DDX10: variants seen among roughly 807,000 people sequenced by gnomAD.
DDX10 encodes DEAD-box helicase 10.
Under a neutral mutation model 104.3 loss-of-function variants are expected in DDX10, and 74 were observed. The ratio of observed to expected loss-of-function variants is 0.71; its 90% CI spans 0.59 to 0.86. DDX10 has a LOEUF of 0.86. Ranked by LOEUF, DDX10 falls within the 40% of genes least tolerant of loss-of-function variation. DDX10 has a pLI of 0.00. For missense variants in DDX10, 952 were observed against 1,040.0 expected (o/e 0.92, Z 1.16); for synonymous variants, 351 against 353.4 (o/e 0.99, Z 0.08).
chr11:108,740,812 A>C (rs1398806557), intron 13 of DDX10, among the ~76,000 whole-genome samples: 1 of 152,072 alleles, frequency 6.6e-6, no homozygotes, highest in East Asian at 1.9e-4. Flanking sequence ...TCCTTTGCCC[A>C]CTTTGTAACG....
intron 6 of DDX10, among the ~76,000 whole-genome samples, chr11:108,680,811 T>C (rs1287002688): frequency 2.6e-5 from 4 of 152,222 alleles, no homozygotes; most frequent in African/African-American, 4.8e-5. Flanking sequence ...CCTTGTATAA[T>C]GTATGTCTAG....
At chr11:108,822,573 C>T (rs1862339859) in intron 13 of DDX10, 2 of 198,464 alleles carry the variant, frequency 1.0e-5, no homozygotes, top group African/African-American at 2.4e-5. Flanking sequence ...CAGTCTTGTG[C>T]TGGCCTCCCT....
intron 10 of DDX10, among the ~76,000 whole-genome samples, chr11:108,707,113 A>T (rs991062966): frequency 6.6e-6 from 1 of 151,986 alleles, no homozygotes; most frequent in African/African-American, 2.4e-5. Flanking sequence ...ACCTATGTTG[A>T]TGTTATTCAC....
chr11:108,913,719 TAGAG>T (rs148729772), intron 16 of DDX10, among the ~76,000 whole-genome samples: 2 of 152,242 alleles, frequency 1.3e-5, no homozygotes, highest in African/African-American at 4.8e-5. Flanking sequence ...AAATCAAAGA[TAGAG>T]ACAGAGCAGC....
chr11:108,930,962 T>G (rs1200305859), intron 17 of DDX10, among the ~76,000 whole-genome samples: 1 of 152,178 alleles, frequency 6.6e-6, no homozygotes, highest in Non-Finnish European at 1.5e-5. Context: ...CAAAGACTAT[T>G]GTTGCTTGCT....
intron 2 of DDX10, among the ~76,000 whole-genome samples, chr11:108,674,996 T>G (rs2094222175): frequency 1.3e-5 from 2 of 152,200 alleles, no homozygotes; most frequent in South Asian, 4.1e-4. Flanking sequence ...TTGCTGTGCC[T>G]GGTTTATTTC....
At position 108,739,486 on chromosome 11, in the gene DDX10, T is replaced by A. The variant is rs145976189; in HGVS notation, c.1965+16024T>A. ...TTTTTCCCACTATACTGTATACTTT[T>A]ATGAAGGTAAGGAATATATATTATT... On this transcript the variant is annotated intron_variant, in intron 13 of 17. Coordinates refer to ENST00000322536, the MANE Select transcript of DDX10 (RefSeq NM_004398.4). Among the ~76,000 whole-genome samples, 3 of 152,218 alleles carry A rather than the reference T, an allele frequency of 2.0e-5. No homozygotes were observed. The South Asian group carries it at 6.2e-4, about 32-fold the overall frequency.
chr11:108,829,805 G>A (rs1862444506), intron 13 of DDX10, among the ~76,000 whole-genome samples: 1 of 152,160 alleles, frequency 6.6e-6, no homozygotes, highest in South Asian at 2.1e-4. Flanking sequence ...CATGTGGCTT[G>A]CCAGTTATAC....
chr11:108,808,725 A>T (rs1198063536), intron 13 of DDX10, among the ~76,000 whole-genome samples: 1 of 152,154 alleles, frequency 6.6e-6, no homozygotes, highest in Admixed American at 6.6e-5. Context: ...AGCCATGCTC[A>T]TGTCTCTCAG....
At chr11:108,772,732 T>G (rs1403319213) in intron 13 of DDX10, among the ~76,000 whole-genome samples, 1 of 152,206 alleles carries the variant, frequency 6.6e-6, no homozygotes, top group East Asian at 1.9e-4. Context: ...CTCCGTCTCT[T>G]GTCATATCAG....
chr11:108,667,754 C>G (rs1406442770), intron 1 of DDX10, among the ~76,000 whole-genome samples: 1 of 152,242 alleles, frequency 6.6e-6, no homozygotes, highest in Non-Finnish European at 1.5e-5. Flanking sequence ...CATCTGCCCA[C>G]TCTAAGGAAA....
intron 13 of DDX10, among the ~76,000 whole-genome samples, chr11:108,779,188 C>T (rs1465157205): frequency 1.3e-5 from 2 of 152,214 alleles, no homozygotes; most frequent in African/African-American, 2.4e-5. Context: ...CACTACTGGG[C>T]ATATACCCAA....
chr11:108,859,162 T>G (rs1591098847), intron 16 of DDX10, among the ~76,000 whole-genome samples: 3 of 152,208 alleles, frequency 2.0e-5, no homozygotes, highest in Non-Finnish European at 2.9e-5. Context: ...GACTCTGCAG[T>G]GGGTGTTAAG....
intron 12 of DDX10, among the ~76,000 whole-genome samples, chr11:108,721,807 T>A (rs556221984): frequency 3.2e-4 from 48 of 152,292 alleles, no homozygotes; most frequent in African/African-American, 1.1e-3. Context: ...TTGTACTAGA[T>A]GTTAAATTGT....
At chr11:108,785,450 C>T (rs1295414128) in intron 13 of DDX10, among the ~76,000 whole-genome samples, 1 of 152,020 alleles carries the variant, frequency 6.6e-6, no homozygotes, top group Non-Finnish European at 1.5e-5. Flanking sequence ...CAAGATGATG[C>T]TGGGTTCATA....
At chr11:108,754,516 A>T (rs1267725931) in intron 13 of DDX10, among the ~76,000 whole-genome samples, 3 of 152,008 alleles carry the variant, frequency 2.0e-5, no homozygotes, top group Non-Finnish European at 4.4e-5. Context: ...GATTTTATGT[A>T]TACTCACATT....
chr11:108,873,359 C>T (rs2726917), intron 16 of DDX10, among the ~76,000 whole-genome samples: 150,835 of 152,288 alleles, frequency 0.99, 74,726 homozygotes, highest in Middle Eastern at 1. Context: ...ACAAAAGTTA[C>T]AATCTATTCT....
At chr11:108,773,548 A>G (rs936363608) in intron 13 of DDX10, among the ~76,000 whole-genome samples, 19 of 151,990 alleles carry the variant, frequency 1.3e-4, no homozygotes, top group African/African-American at 4.6e-4. Context: ...CTGTGTGTAC[A>G]GATGTGTGCA....
At chr11:108,922,383 G>A (rs1863846663) in intron 17 of DDX10, 1 of 152,206 alleles carries the variant, frequency 6.6e-6, no homozygotes, top group South Asian at 2.1e-4. Flanking sequence ...ACTAGCATGA[G>A]CGAGTTTCTT....
Sources: gnomAD v4.1 joint callset for allele counts (sites outside exome capture counted in the v4.1 genomes callset) on GRCh38, gnomAD v4.1.1 for gene constraint, MANE v1.5 for transcripts, NCBI Gene and HGNC (gene_info 2026-07-23, HGNC 2026-07-21) for gene names.